CYLD: variants seen among roughly 807,000 people sequenced by gnomAD.
The protein encoded by CYLD is CYLD lysine 63 deubiquitinase.
In CYLD, 26 loss-of-function variants were observed where a neutral mutation model predicts 104.5. The observed-to-expected ratio is 0.25, with a 90% CI of 0.18 to 0.35. The LOEUF is 0.35. CYLD is among the 10% of genes least tolerant of loss of function. The pLI is 1.00. For missense variants in CYLD, 703 were observed against 1,136.1 expected (o/e 0.62, Z 5.48); for synonymous variants, 385 against 399.9 (o/e 0.96, Z 0.45).
chr16:50,749,714 T>C lies in CYLD; in HGVS notation c.16T>C (p.Trp6Arg), dbSNP rs759450167. 6.2e-7 allele frequency: 1 copy of C among 1,613,742 alleles called. No individual in the cohort carries two copies. Among genetic ancestry groups the C allele is most frequent in the South Asian group, 1.1e-5 (1 of 91,048 alleles). The change falls in exon 3 of 19, where the codon TGG becomes CGG. Residue 6 changes from tryptophan to arginine, a missense_variant. Physicochemically the swap from Trp to Arg is moderately radical, Grantham distance 101. Coordinates refer to ENST00000427738, the MANE Select transcript of CYLD (RefSeq NM_001378743.1). MSSGL[W>R]SQEKVTSPYW... ...TAATATCACAATGAGTTCAGGCTTATGGAGCCAAGAAAAAGTCACTTCACC... is the reference window on the plus strand; with the variant it reads ...TAATATCACAATGAGTTCAGGCTTACGGAGCCAAGAAAAAGTCACTTCACC...
In CYLD at chr16:50,800,731, G is replaced by A. The variant is rs544994887; in HGVS notation, c.*4223G>A. On this transcript the variant is annotated 3_prime_UTR_variant, in exon 19 of 19. Transcript: ENST00000427738. ...ATTATATGGGAAGATTTTTCTCTGG[G>A]ATAACAAATCCTTGTCATAAAGTAA... 3 of 232,972 alleles carry A rather than the reference G, an allele frequency of 1.3e-5. No individual in the cohort carries two copies. The allele number at this position is 232,972 out of a possible 1,614,324, so 14.4% of individuals were successfully genotyped here.
chr16:50,750,573 T>A, intron 3 of CYLD, among the ~76,000 whole-genome samples: 1 of 152,206 alleles, frequency 6.6e-6, no homozygotes, highest in East Asian at 1.9e-4. Context: ...CTTGATTTAA[T>A]TTCTTTTGTT....
chr16:50,750,719 G>A (rs1355224438), intron 3 of CYLD, among the ~76,000 whole-genome samples: 2 of 152,084 alleles, frequency 1.3e-5, no homozygotes. Flanking sequence ...AACATTGCCT[G>A]TATTAAACAT....
At chr16:50,765,633 G>T (rs956698195) in intron 5 of CYLD, among the ~76,000 whole-genome samples, 1 of 152,166 alleles carries the variant, frequency 6.6e-6, no homozygotes, top group Admixed American at 6.5e-5. Flanking sequence ...TGAAAACTAG[G>T]CCTCTTGTGC....
rs542136936 is a variant in CYLD, at chr16:50,758,409, G to C, written c.913+3985G>C. On this transcript the variant is annotated intron_variant, in intron 5 of 18. Transcript: ENST00000427738. Reference sequence around the variant, plus strand: ...TCAGTGGGCTGTTGTGTGGATTCTTGGCTTTCATAGTGACAGAGGTGGGGA... The same window carrying C: ...TCAGTGGGCTGTTGTGTGGATTCTTCGCTTTCATAGTGACAGAGGTGGGGA... Among the ~76,000 whole-genome samples the C allele has an allele frequency of 3.9e-5, 6 of 152,286 alleles. No individual in the cohort carries two copies. The South Asian group carries it at 1.2e-3, about 32-fold the overall frequency.
intron 5 of CYLD, among the ~76,000 whole-genome samples, chr16:50,774,427 T>TAAA (rs1176927160): frequency 1.8e-4 from 28 of 152,322 alleles, no homozygotes; most frequent in Admixed American, 8.5e-4. Flanking sequence ...ATGCCTCTGA[T>TAAA]AAAGTTTAAT....
intron 2 of CYLD, among the ~76,000 whole-genome samples, chr16:50,747,100 G>A (rs900877897): frequency 6.6e-6 from 1 of 152,144 alleles, no homozygotes; most frequent in African/African-American, 2.4e-5. Context: ...ACAACAGCTC[G>A]TTTTTTTGAA....
chr16:50,797,916 G>A lies in CYLD; in HGVS notation c.*1408G>A, dbSNP rs1171805750. On this transcript the variant is annotated 3_prime_UTR_variant, in exon 19 of 19. Coordinates refer to ENST00000427738, the MANE Select transcript of CYLD (RefSeq NM_001378743.1). ...ACAGTAAGGTACAAAAACTCATCTT[G>A]TAATATTTTCATTTTTGAAGTGAAA... The A allele has an allele frequency of 4.3e-6, 1 of 231,792 alleles. No homozygotes were observed. Among genetic ancestry groups the A allele is most frequent in the Non-Finnish European group, 8.5e-6 (1 of 117,220 alleles). The allele number at this position is 231,792 out of a possible 1,614,324, so 14.4% of individuals were successfully genotyped here. A position where few individuals can be genotyped will look rare whatever the true frequency, so the allele number is the denominator to read the frequency against.
At chr16:50,796,227 T>C in intron 18 of CYLD, 97 bp from the exon 19 acceptor site, 1 of 1,259,730 alleles carries the variant, frequency 7.9e-7, no homozygotes, top group African/African-American at 1.5e-5. Flanking sequence ...TTTTAGAGCC[T>C]GAAATTAGCT....
rs763461167 is a variant in CYLD, at chr16:50,751,584, C to T, written c.505-20C>T. The T allele has an allele frequency of 6.2e-7, 1 of 1,610,868 alleles. No homozygotes were observed. ...TCGTCTTTCTATATCTATTTCTTTC[C>T]CTTCTCTCTTAAAAACTAGGAAGAA... is the stretch of plus-strand genomic sequence containing the variant. On this transcript the variant is annotated intron_variant, in intron 3 of 18. Coordinates refer to ENST00000427738, the MANE Select transcript of CYLD (RefSeq NM_001378743.1).
At chr16:50,774,198 G>T (rs1969430236) in intron 5 of CYLD, among the ~76,000 whole-genome samples, 1 of 152,042 alleles carries the variant, frequency 6.6e-6, no homozygotes, top group Admixed American at 6.6e-5. Flanking sequence ...TTTTTCTTTA[G>T]GAAATTTATA....
rs943457150 is a variant in CYLD at position 50,800,207 on chromosome 16, A to G, written c.*3699A>G. The stretch of plus-strand genomic sequence containing the variant: ...TGAATTGTATGGGAAAAAAATACAA[A>G]TTCCTGGGTCCTAGGCCATGCCTGC... On this transcript the variant is annotated 3_prime_UTR_variant, in exon 19 of 19. Coordinates refer to ENST00000427738, the MANE Select transcript of CYLD (RefSeq NM_001378743.1). 3.4e-5 allele frequency: 8 copies of G among 232,934 alleles called. No homozygotes were observed. Among genetic ancestry groups the G allele is most frequent in the Non-Finnish European group, 5.9e-5 (7 of 117,912 alleles). 14.4% of individuals were successfully genotyped at this position (232,934 alleles called of 1,614,324 possible). A position where few individuals can be genotyped will look rare whatever the true frequency, so the allele number is the denominator to read the frequency against.
In CYLD at chr16:50,796,401, G is replaced by A. The variant is rs1972051629; in HGVS notation, c.2764G>A (p.Asp922Asn). 5 of 1,613,996 alleles carry A rather than the reference G, an allele frequency of 3.1e-6. No individual in the cohort carries two copies. The highest frequency in any genetic ancestry group is 4.2e-6 in the Non-Finnish European group (5 of 1,180,022). Residue 922 changes from aspartate (D) to asparagine (N), a missense_variant, in exon 19 of 19, where the codon GAC becomes AAC. Asp to Asn is a conservative substitution (Grantham distance 23, BLOSUM62 1). This residue lies in a region of CYLD where 130 missense variants were observed against 220.2 expected (regional missense o/e 0.59). Coordinates refer to ENST00000427738, the MANE Select transcript of CYLD (RefSeq NM_001378743.1). ...VGEYLKMSLE[D>N]LHSLDSRRIQ... is the part of the protein sequence containing the mutation. The stretch of plus-strand genomic sequence containing the variant: ...AGAGTACTTGAAGATGTCTCTGGAA[G>A]ACCTGCATTCCTTGGACTCCAGGAG...
rs1381185303 is a variant in CYLD at position 50,750,194 on chromosome 16, G to C, written c.496G>C (p.Glu166Gln). The C allele has an allele frequency of 6.2e-7, 1 of 1,613,624 alleles. No homozygotes were observed. The highest frequency in any genetic ancestry group is 1.3e-5 in the African/African-American group (1 of 74,914). ...AGTCTCCGGAATATTCTTTGGAGTT[G>C]AATTGCTGGTAAGTTTGATAAACCA... is the stretch of plus-strand genomic sequence containing the variant. The part of the protein sequence containing the change: ...RTVSGIFFGV[E>Q]LLEEGRGQGF... Residue 166 changes from glutamate (E) to glutamine (Q), a missense_variant, in exon 3 of 19, where the codon GAA becomes CAA. By Grantham distance (29) the Glu-to-Gln change is conservative. Coordinates refer to ENST00000427738, the MANE Select transcript of CYLD (RefSeq NM_001378743.1).
chr16:50,793,805 C>A, intron 17 of CYLD, 141 bp downstream of exon 17: 1 of 695,718 alleles, frequency 1.4e-6, no homozygotes, highest in Non-Finnish European at 2.5e-6. Context: ...ATTGCTTTTG[C>A]CTTTTCTGTT....
chr16:50,748,734 C>T (rs2150892247), intron 2 of CYLD, among the ~76,000 whole-genome samples: 1 of 151,980 alleles, frequency 6.6e-6, no homozygotes, highest in East Asian at 1.9e-4. Flanking sequence ...TTTGAGAAAT[C>T]AGATAACTAT....
intron 9 of CYLD, 38 bp downstream of exon 9, chr16:50,780,082 C>T (rs745932547): frequency 6.2e-7 from 1 of 1,611,430 alleles, no homozygotes. Flanking sequence ...ATTTTTTTCT[C>T]TGTGAGGTTT....
intron 2 of CYLD, among the ~76,000 whole-genome samples, chr16:50,745,028 A>C (rs1335923777): frequency 6.6e-6 from 1 of 152,252 alleles, no homozygotes; most frequent in Non-Finnish European, 1.5e-5. Flanking sequence ...ATTGTGTTTC[A>C]ACTCGTTGGT....
At chr16:50,755,673 C>T (rs1173410720) in intron 5 of CYLD, among the ~76,000 whole-genome samples, 1 of 152,054 alleles carries the variant, frequency 6.6e-6, no homozygotes, top group East Asian at 1.9e-4. Flanking sequence ...ATTTGTATAT[C>T]TTCTTTTGAT....
Sources: allele counts gnomAD v4.1 joint callset (sites outside exome capture counted in the v4.1 genomes callset), GRCh38; gene constraint gnomAD v4.1.1; regional missense constraint gnomAD v4.1.1; transcripts MANE v1.5; gene names NCBI Gene and HGNC (gene_info 2026-07-23, HGNC 2026-07-21).